ANTXR2: variants seen among roughly 807,000 people sequenced by gnomAD.
The protein encoded by ANTXR2 is anthrax toxin receptor 2.
ANTXR2 carries 44 observed loss-of-function variants against 73.7 expected under a neutral mutation model. The ratio of observed to expected loss-of-function variants is 0.60; its 90% CI spans 0.47 to 0.77. ANTXR2 has a LOEUF of 0.77. Among genes scored for constraint, ANTXR2 ranks in the 30% least tolerant of loss-of-function variants. ANTXR2 has a pLI of 0.00. For missense variants in ANTXR2, 604 were observed against 592.5 expected (o/e 1.02, Z -0.20); for synonymous variants, 217 against 205.9 (o/e 1.05, Z -0.46).
At chr4:79,973,723 C>T (rs34710933) in intron 16 of ANTXR2, among the ~76,000 whole-genome samples, 10,377 of 152,210 alleles carry the variant, frequency 0.068, 443 homozygotes, top group Middle Eastern at 0.11. Flanking sequence ...GCCACCACAC[C>T]TGGCCACATT....
At position 79,928,288 on chromosome 4, in the gene ANTXR2, ATG is replaced by A. The variant is rs140188352; in HGVS notation, c.1429-20823_1429-20822del. ...ACAAATATTGTATGATCCCACTTAT[ATG>A]TGTTGCCTAAAACATTCAAATTCAT... On this transcript the variant is annotated intron_variant, in intron 16 of 16. Coordinates refer to ENST00000403729, the MANE Select transcript of ANTXR2 (RefSeq NM_058172.6). Among the ~76,000 whole-genome samples, 1,270 of 152,308 alleles carry A rather than the reference ATG, an allele frequency of 8.3e-3. 14 individuals are homozygous for A. The highest frequency in any genetic ancestry group is 0.029 in the African/African-American group (1,199 of 41,576).
At chr4:80,005,448 GCTA>G (rs1731257539) in intron 12 of ANTXR2, among the ~76,000 whole-genome samples, 1 of 151,982 alleles carries the variant, frequency 6.6e-6, no homozygotes, top group African/African-American at 2.4e-5. Flanking sequence ...ATAATTTAAC[GCTA>G]CTAAGAATTA....
chr4:79,986,366 T>A (rs1266251158), intron 12 of ANTXR2, among the ~76,000 whole-genome samples: 2 of 152,218 alleles, frequency 1.3e-5, no homozygotes, highest in Non-Finnish European at 2.9e-5. Context: ...ACTTTGAAAA[T>A]GTGGTTCCAC....
intron 14 of ANTXR2, among the ~76,000 whole-genome samples, chr4:79,981,779 T>C (rs1729900760): frequency 6.6e-6 from 1 of 152,180 alleles, no homozygotes; most frequent in Non-Finnish European, 1.5e-5. Context: ...TTCCATCTTG[T>C]TGATGGAATA....
At position 79,967,067 on chromosome 4, in the gene ANTXR2, G is replaced by C. The variant is rs1258723822; in HGVS notation, c.1428+10554C>G. Among the ~76,000 whole-genome samples the C allele has an allele frequency of 2.8e-5, 2 of 72,024 alleles. 1 individual carries two copies. Among genetic ancestry groups the C allele is most frequent in the African/African-American group, 7.0e-5 (2 of 28,482 alleles). 47.3% of individuals were successfully genotyped at this position (72,024 alleles called of 152,430 possible). On this transcript the variant is annotated intron_variant, in intron 16 of 16. Coordinates refer to ENST00000403729, the MANE Select transcript of ANTXR2 (RefSeq NM_058172.6). Reference sequence around the variant, plus strand: ...GCGCAGGCCAGTGTGTGTGCGCACCGTGCGCGAGCCGAAGCAGGGCGAGGA... The same window carrying C: ...GCGCAGGCCAGTGTGTGTGCGCACCCTGCGCGAGCCGAAGCAGGGCGAGGA...
In ANTXR2 at chr4:79,984,805, A is replaced by G; in HGVS notation, c.1086+14T>C. ...AAAAAAACAGCCATATCAGTTTTTTAGGCACTCACTTACCTCTTTTGGTGC... is the reference window on the plus strand; with the variant it reads ...AAAAAAACAGCCATATCAGTTTTTTGGGCACTCACTTACCTCTTTTGGTGC... On this transcript the variant is annotated intron_variant, in intron 13 of 16. Transcript: ENST00000403729. 1 of 1,602,450 alleles carries G rather than the reference A, an allele frequency of 6.2e-7. No individual in the cohort carries two copies. The highest frequency in any genetic ancestry group is 8.5e-7 in the Non-Finnish European group (1 of 1,172,356).
At chr4:80,019,734 T>C (rs1344980832) in intron 10 of ANTXR2, among the ~76,000 whole-genome samples, 1 of 152,194 alleles carries the variant, frequency 6.6e-6, no homozygotes, top group Non-Finnish European at 1.5e-5. Flanking sequence ...AAAGATTTAT[T>C]TGCAGGTATT....
intron 16 of ANTXR2, among the ~76,000 whole-genome samples, chr4:79,966,727 T>G (rs867572209): frequency 4.6e-5 from 7 of 152,182 alleles, no homozygotes; most frequent in Admixed American, 2.6e-4. Context: ...AAACAAATAA[T>G]GAAATATTAC....
chr4:79,953,174 A>G (rs1313302392), intron 16 of ANTXR2, among the ~76,000 whole-genome samples: 1 of 152,126 alleles, frequency 6.6e-6, no homozygotes, highest in East Asian at 1.9e-4. Flanking sequence ...ATTTCTCATC[A>G]AAAAAATAGC....
chr4:80,040,134 G>C (rs1011402414), intron 7 of ANTXR2, among the ~76,000 whole-genome samples: 2 of 151,814 alleles, frequency 1.3e-5, no homozygotes, highest in Non-Finnish European at 2.9e-5. Flanking sequence ...GGAAGGAAGA[G>C]AGATGAGGGT....
intron 12 of ANTXR2, among the ~76,000 whole-genome samples, chr4:79,993,782 A>ACACACACG (rs755550984): frequency 2.6e-5 from 4 of 151,520 alleles, no homozygotes; most frequent in South Asian, 2.1e-4. Flanking sequence ...ACACACACAC[A>ACACACACG]CATGCACTTT....
intron 16 of ANTXR2, 101 bp from the exon 17 acceptor site, chr4:79,907,568 G>A (rs1578071930): frequency 7.8e-7 from 1 of 1,283,974 alleles, no homozygotes; most frequent in Non-Finnish European, 1.1e-6. Context: ...GATTACCCAA[G>A]GAAAGTACCA....
intron 16 of ANTXR2, among the ~76,000 whole-genome samples, chr4:79,976,069 C>T (rs1369107664): frequency 6.6e-6 from 1 of 152,038 alleles, no homozygotes; most frequent in Non-Finnish European, 1.5e-5. Context: ...CCCGCCACCA[C>T]GCCCTGCTAA....
intron 3 of ANTXR2, among the ~76,000 whole-genome samples, chr4:80,065,193 G>A (rs1419844219): frequency 6.6e-6 from 1 of 152,148 alleles, no homozygotes; most frequent in African/African-American, 2.4e-5. Context: ...ATATTTAACA[G>A]AACTGAGCTT....
intron 3 of ANTXR2, among the ~76,000 whole-genome samples, chr4:80,062,428 A>G (rs1051241654): frequency 6.6e-6 from 1 of 152,200 alleles, no homozygotes; most frequent in African/African-American, 2.4e-5. Context: ...TCTCCCAGGC[A>G]TGAGTAACAA....
At chr4:79,909,322 C>T (rs1174164434) in intron 16 of ANTXR2, among the ~76,000 whole-genome samples, 1 of 151,988 alleles carries the variant, frequency 6.6e-6, no homozygotes, top group African/African-American at 2.4e-5. Context: ...TATAATGATT[C>T]TTCTGTGACC....
In ANTXR2 at chr4:80,072,595, G is replaced by T. The variant is rs1734863105; in HGVS notation, c.-35C>A. The T allele has an allele frequency of 1.3e-6, 2 of 1,481,618 alleles. No homozygotes were observed. Among genetic ancestry groups the T allele is most frequent in the South Asian group, 1.3e-5 (1 of 74,278 alleles). The allele number at this position is 1,481,618 out of a possible 1,614,324, so 91.8% of individuals were successfully genotyped here. A position where few individuals can be genotyped will look rare whatever the true frequency, so the allele number is the denominator to read the frequency against. Reference sequence around the variant, plus strand: ...GGGGGCCTGAGACTCCCTCCCGCTCGCAGTCCCCTAAGCTCAGGAGGGTCG... The same window carrying T: ...GGGGGCCTGAGACTCCCTCCCGCTCTCAGTCCCCTAAGCTCAGGAGGGTCG... On this transcript the variant is annotated 5_prime_UTR_variant, in exon 1 of 17. Transcript: ENST00000403729.
chr4:80,025,279 T>G (rs78652583), intron 10 of ANTXR2, among the ~76,000 whole-genome samples: 13,726 of 152,234 alleles, frequency 0.09, 2,011 homozygotes, highest in African/African-American at 0.31. Context: ...TAAAGATGCA[T>G]GACTCTTCCA....
At chr4:79,946,753 T>C (rs955690154) in intron 16 of ANTXR2, among the ~76,000 whole-genome samples, 4 of 152,114 alleles carry the variant, frequency 2.6e-5, no homozygotes, top group Non-Finnish European at 5.9e-5. Context: ...AAAACACGAA[T>C]AGGTGATGAA....
Sources: allele counts gnomAD v4.1 joint callset (sites outside exome capture counted in the v4.1 genomes callset), GRCh38; gene constraint gnomAD v4.1.1; transcripts MANE v1.5; gene names NCBI Gene and HGNC (gene_info 2026-07-23, HGNC 2026-07-21).